The following CRACDL variants were observed in gnomAD, a reference collection of about 807,000 sequenced individuals.
CRACDL encodes CRACD-like protein.
Under a neutral mutation model 70.6 loss-of-function variants are expected in CRACDL, and 26 were observed. The observed-to-expected ratio is 0.37, with a 90% CI of 0.27 to 0.51. CRACDL has a LOEUF of 0.51. CRACDL is among the 20% of genes least tolerant of loss of function. CRACDL has a pLI of 0.94. For missense variants in CRACDL, 1,283 were observed against 1,376.9 expected (o/e 0.93, Z 1.08); for synonymous variants, 618 against 615.2 (o/e 1.00, Z -0.07).
chr2:98,828,144 C>T (rs191253320), intron 5 of CRACDL, among the ~76,000 whole-genome samples: 1 of 152,302 alleles, frequency 6.6e-6, no homozygotes, highest in African/African-American at 2.4e-5. Context: ...CAGATCCCTG[C>T]CCCCGAACTT....
At chr2:98,911,458 T>A (rs2104676001) in intron 1 of CRACDL, among the ~76,000 whole-genome samples, 1 of 152,182 alleles carries the variant, frequency 6.6e-6, no homozygotes, top group Non-Finnish European at 1.5e-5. Flanking sequence ...GGCAGCAAGG[T>A]CCCCGCTCTC....
rs1250051766 is a variant in CRACDL, at chr2:98,797,379, T to C, written c.2575A>G (p.Lys859Glu). The C allele has an allele frequency of 6.2e-7, 1 of 1,614,198 alleles. No homozygotes were observed. The highest frequency in any genetic ancestry group is 2.2e-5 in the East Asian group (1 of 44,870). ...CCTCTCTCGGGCACCTTGGCTTGCT[T>C]TCCTGGTTCAGACTTCAGGGTCCGT... ...GARTLKSEPGKQAKVPERGQE... is the reference protein window; with the variant it reads ...GARTLKSEPGEQAKVPERGQE... Residue 859 changes from lysine (K) to glutamate (E), a missense_variant, in exon 8 of 10, where the codon AAG (lysine) becomes GAG (glutamate). Physicochemically the swap from Lys to Glu is moderately conservative, Grantham distance 56. Coordinates refer to ENST00000397899, the MANE Select transcript of CRACDL (RefSeq NM_207362.3).
At chr2:98,845,684 T>C (rs1041129993) in intron 2 of CRACDL, among the ~76,000 whole-genome samples, 19 of 152,366 alleles carry the variant, frequency 1.2e-4, no homozygotes, top group South Asian at 4.1e-4. Flanking sequence ...CTAGCACTTA[T>C]TGAGGTCATT....
At position 98,795,071 on chromosome 2, in the gene CRACDL, A is replaced by ATTT. The variant is rs1391098955; in HGVS notation, c.2750-401_2750-400insAAA. On this transcript the variant is annotated intron_variant, in intron 9 of 9. Coordinates refer to ENST00000397899, the MANE Select transcript of CRACDL (RefSeq NM_207362.3). The stretch of plus-strand genomic sequence containing the variant: ...TATATATATATATATATATATATAT[A>ATTT]TATATATTTTTTTTTTTTTTTGAGA... 3.6e-4 allele frequency among the ~76,000 whole-genome samples: 8 copies of ATTT among 22,420 alleles called. 2 individuals are homozygous for ATTT. Among genetic ancestry groups the ATTT allele is most frequent in the East Asian group, 3.8e-3 (2 of 522 alleles). 14.7% of individuals were successfully genotyped at this position (22,420 alleles called of 152,430 possible).
chr2:98,856,069 GCCAAAAACTTTCTAAA>G (rs1233502920), intron 1 of CRACDL, among the ~76,000 whole-genome samples: 1 of 152,084 alleles, frequency 6.6e-6, no homozygotes, highest in Non-Finnish European at 1.5e-5. Flanking sequence ...TGAAATAATA[GCCAAAAACTTTCTAAA>G]TTTGAGGAAA....
intron 1 of CRACDL, among the ~76,000 whole-genome samples, chr2:98,887,004 G>C (rs576906151): frequency 6.6e-6 from 1 of 152,176 alleles, no homozygotes; most frequent in Non-Finnish European, 1.5e-5. Context: ...TCATCAAATA[G>C]ACAATACACA....
chr2:98,926,578 T>C (rs1163487511), intron 1 of CRACDL, among the ~76,000 whole-genome samples: 3 of 152,118 alleles, frequency 2.0e-5, no homozygotes, highest in African/African-American at 7.2e-5. Flanking sequence ...CTAAAGACAA[T>C]GTGTCTCCTG....
At chr2:98,898,150 C>T (rs534152150) in intron 1 of CRACDL, among the ~76,000 whole-genome samples, 1 of 152,322 alleles carries the variant, frequency 6.6e-6, no homozygotes, top group East Asian at 1.9e-4. Flanking sequence ...TGATGAAATC[C>T]GCTGAAGGAA....
chr2:98,833,147 T>C, intron 3 of CRACDL, 150 bp from the exon 4 acceptor site: 1 of 713,464 alleles, frequency 1.4e-6, no homozygotes, highest in Non-Finnish European at 2.3e-6. Context: ...CTGACTTCAG[T>C]TCATCCACAC....
At chr2:98,903,138 T>C (rs1046960059) in intron 1 of CRACDL, among the ~76,000 whole-genome samples, 4 of 152,058 alleles carry the variant, frequency 2.6e-5, no homozygotes, top group Admixed American at 2.6e-4. Flanking sequence ...CTAACCTCAA[T>C]GATGCAGAAG....
chr2:98,916,807 G>C (rs996974524), intron 1 of CRACDL, among the ~76,000 whole-genome samples: 4 of 152,180 alleles, frequency 2.6e-5, no homozygotes, highest in African/African-American at 9.7e-5. Context: ...GTCCCTGAGT[G>C]GGGGCATGGA....
intron 1 of CRACDL, among the ~76,000 whole-genome samples, chr2:98,871,470 G>A (rs746252580): frequency 7.9e-5 from 12 of 152,226 alleles, no homozygotes; most frequent in Non-Finnish European, 1.2e-4. Context: ...GACTGAGGCA[G>A]TCAGTGGAAT....
chr2:98,892,555 C>T (rs1376254859), intron 1 of CRACDL, among the ~76,000 whole-genome samples: 7 of 151,584 alleles, frequency 4.6e-5, no homozygotes, highest in South Asian at 2.1e-4. Context: ...CCGGGTGTGG[C>T]GGCAGGCACC....
At chr2:98,836,357 C>G (rs1350345783) in intron 3 of CRACDL, among the ~76,000 whole-genome samples, 3 of 152,162 alleles carry the variant, frequency 2.0e-5, no homozygotes, top group Non-Finnish European at 2.9e-5. Flanking sequence ...CTCTGTGCTG[C>G]TCTCTAAAAA....
At chr2:98,893,686 T>A (rs1397230944) in intron 1 of CRACDL, among the ~76,000 whole-genome samples, 2 of 152,210 alleles carry the variant, frequency 1.3e-5, no homozygotes, top group Non-Finnish European at 2.9e-5. Context: ...ATCTTTTTAC[T>A]TCTATTGCTT....
chr2:98,865,882 C>T (rs1320333968), intron 1 of CRACDL, among the ~76,000 whole-genome samples: 1 of 150,072 alleles, frequency 6.7e-6, no homozygotes, highest in South Asian at 2.1e-4. Flanking sequence ...CTCACTACAA[C>T]CTCTGTCTCC....
chr2:98,887,888 T>C (rs1425958852), intron 1 of CRACDL, among the ~76,000 whole-genome samples: 1 of 152,232 alleles, frequency 6.6e-6, no homozygotes, highest in African/African-American at 2.4e-5. Context: ...AAGAACACTA[T>C]ATCCAGCAAA....
chr2:98,933,978 T>G (rs994630248), intron 1 of CRACDL, among the ~76,000 whole-genome samples: 2 of 152,120 alleles, frequency 1.3e-5, no homozygotes, highest in African/African-American at 4.8e-5. Flanking sequence ...TGTCCTCACA[T>G]GGTGGAAGGG....
intron 2 of CRACDL, among the ~76,000 whole-genome samples, chr2:98,839,560 A>T (rs187388281): frequency 1.3e-3 from 194 of 152,376 alleles, no homozygotes; most frequent in Non-Finnish European, 2.2e-3. Context: ...TGCTTACAGC[A>T]TTAATGGTCT....
Sources: allele counts gnomAD v4.1 joint callset (sites outside exome capture counted in the v4.1 genomes callset), GRCh38; gene constraint gnomAD v4.1.1; transcripts MANE v1.5; gene names NCBI Gene and HGNC (gene_info 2026-07-23, HGNC 2026-07-21).